ZDHHC15: variants seen among roughly 807,000 people sequenced by gnomAD.
ZDHHC15 encodes the protein zDHHC palmitoyltransferase 15.
Under a neutral mutation model 31.7 loss-of-function variants are expected in ZDHHC15, and 19 were observed. The observed-to-expected ratio is 0.60, with a 90% CI of 0.42 to 0.88. The LOEUF (loss-of-function observed/expected upper bound fraction) is 0.88. Among genes scored for constraint, ZDHHC15 ranks in the 40% least tolerant of loss-of-function variants. The probability of loss-of-function intolerance (pLI) is 0.00; values close to 1 mark genes in which losing one functional copy is unlikely to be tolerated. For synonymous variants in ZDHHC15, 103 were observed against 90.0 expected, an observed-to-expected ratio of 1.14 and a Z score of -0.82; for missense variants, 209 against 251.2, an observed-to-expected ratio of 0.83 and a Z score of 1.14.
At chrX:75,427,661 A>T (rs1292456769) in intron 7 of ZDHHC15, among the ~76,000 whole-genome samples, 3 of 111,018 alleles carry the variant, frequency 2.7e-5, no homozygotes, top group African/African-American at 9.9e-5. Flanking sequence ...TGGATTTTAT[A>T]ATATATTTTA....
intron 3 of ZDHHC15, among the ~76,000 whole-genome samples, chrX:75,475,243 G>C (rs1226472621): frequency 1.8e-5 from 2 of 111,248 alleles, no homozygotes; most frequent in Non-Finnish European, 3.8e-5. Context: ...TTATGATGTA[G>C]TCCAATTTAT....
intron 1 of ZDHHC15, among the ~76,000 whole-genome samples, chrX:75,518,775 A>ATG (rs2085399488): frequency 4.9e-5 from 1 of 20,222 alleles, no homozygotes; most frequent in African/African-American, 1.4e-4. Flanking sequence ...ACTGGTATAT[A>ATG]TATATATATA....
At chrX:75,389,369 C>T in intron 10 of ZDHHC15, among the ~76,000 whole-genome samples, 1 of 110,203 alleles carries the variant, frequency 9.1e-6, no homozygotes, top group East Asian at 2.9e-4. Context: ...TAGTGAGATA[C>T]CAGCCAGGGT....
chrX:75,472,064 G>A lies in ZDHHC15; in HGVS notation c.258+6827C>T, dbSNP rs897718408. ...AAGTTGGTTGTGCACATCAGTATTC[G>A]ATCATCAAATGAAGTGGTATATACG... On this transcript the variant is annotated intron_variant, in intron 3 of 11. Coordinates refer to ENST00000373367, the MANE Select transcript of ZDHHC15 (RefSeq NM_144969.3). Among the ~76,000 whole-genome samples, 7 of 111,625 alleles carry A rather than the reference G, an allele frequency of 6.3e-5. No homozygotes were observed. The East Asian group carries it at 2.0e-3, about 31-fold the overall frequency.
chrX:75,421,405 A>AT (rs1281270963), intron 9 of ZDHHC15, among the ~76,000 whole-genome samples: 8 of 11,911 alleles, frequency 6.7e-4, no homozygotes, highest in Admixed American at 5.1e-3. Flanking sequence ...TATATTATAT[A>AT]TATATAATAT....
In ZDHHC15 at chrX:75,487,675, A is replaced by T. The variant is rs1173101761; in HGVS notation, c.164-8690T>A. On this transcript the variant is annotated intron_variant, in intron 2 of 11. Coordinates refer to ENST00000373367, the MANE Select transcript of ZDHHC15 (RefSeq NM_144969.3). Reference sequence around the variant, plus strand: ...AGCTCTCCAGCAATTGATCCAAACTAAGAAGAACTCTCTGAATTGCAGATA... The same window carrying T: ...AGCTCTCCAGCAATTGATCCAAACTTAGAAGAACTCTCTGAATTGCAGATA... 9.8e-5 allele frequency among the ~76,000 whole-genome samples: 11 copies of T among 112,241 alleles called. No individual in the cohort carries two copies. In the Admixed American group the frequency reaches 1.0e-3, roughly 11 times the overall value.
chrX:75,385,950 G>T (rs1308139457), intron 10 of ZDHHC15, among the ~76,000 whole-genome samples: 7 of 111,845 alleles, frequency 6.3e-5, no homozygotes, highest in Admixed American at 9.5e-5. Flanking sequence ...ATACCCTTGA[G>T]CTGAGACAAT....
chrX:75,463,379 G>T (rs2084350633), intron 3 of ZDHHC15, among the ~76,000 whole-genome samples: 1 of 110,804 alleles, frequency 9.0e-6, no homozygotes, highest in South Asian at 3.8e-4. Flanking sequence ...AATTGAAAAG[G>T]AGAGACTCTT....
intron 4 of ZDHHC15, among the ~76,000 whole-genome samples, chrX:75,448,287 C>A (rs146120533): frequency 4.5e-5 from 5 of 112,011 alleles, no homozygotes; most frequent in African/African-American, 6.5e-5. Context: ...AGGTAAAAAA[C>A]CAGTACCAGC....
chrX:75,385,034 C>G (rs903462244), intron 10 of ZDHHC15, among the ~76,000 whole-genome samples: 5 of 111,796 alleles, frequency 4.5e-5, no homozygotes, highest in African/African-American at 1.3e-4. Context: ...TGTCTAAGTC[C>G]TGTGGCAGTT....
At chrX:75,464,108 T>A (rs933312225) in intron 3 of ZDHHC15, among the ~76,000 whole-genome samples, 2 of 111,757 alleles carry the variant, frequency 1.8e-5, no homozygotes, top group Non-Finnish European at 3.8e-5. Context: ...TGCAGCCATA[T>A]AAAAGGATGA....
Position 75,510,476 on chromosome X carries a change from G to GTTT in ZDHHC15, c.137-4632_137-4630dup, listed in dbSNP as rs373085476. ...TTGGTTTCTAGAAAATGTTTCTTCTGTTTTTTTTTTTTTTTCTGTCTGATC... is the reference window on the plus strand; with the variant it reads ...TTGGTTTCTAGAAAATGTTTCTTCTGTTTTTTTTTTTTTTTTTTCTGTCTGATC... On this transcript the variant is annotated intron_variant, in intron 1 of 11. Coordinates refer to ENST00000373367, the MANE Select transcript of ZDHHC15 (RefSeq NM_144969.3). 8.4e-3 allele frequency among the ~76,000 whole-genome samples: 443 copies of GTTT among 52,962 alleles called. 8 individuals are homozygous for GTTT. The highest frequency in any genetic ancestry group is 0.033 in the African/African-American group (413 of 12,694). The allele number at this position is 52,962 out of a possible 115,157, so 46.0% of individuals were successfully genotyped here.
chrX:75,400,272 T>C (rs190960401), intron 10 of ZDHHC15, among the ~76,000 whole-genome samples: 3 of 111,521 alleles, frequency 2.7e-5, no homozygotes, highest in East Asian at 5.7e-4. Context: ...ATAGCCAGTA[T>C]AAAAAAGAAC....
At chrX:75,403,345 C>T (rs2083377274) in intron 10 of ZDHHC15, among the ~76,000 whole-genome samples, 1 of 111,825 alleles carries the variant, frequency 8.9e-6, no homozygotes, top group Admixed American at 9.5e-5. Context: ...TCTCTCATCC[C>T]TTCTATTCAA....
At chrX:75,389,520 C>A (rs1406296175) in intron 10 of ZDHHC15, among the ~76,000 whole-genome samples, 1 of 109,352 alleles carries the variant, frequency 9.1e-6, no homozygotes, top group East Asian at 2.9e-4. Context: ...ACCAACTTAG[C>A]CACAGTAGGA....
At chrX:75,419,298 C>T (rs1425251051) in intron 9 of ZDHHC15, among the ~76,000 whole-genome samples, 2 of 111,696 alleles carry the variant, frequency 1.8e-5, no homozygotes, top group Non-Finnish European at 3.8e-5. Context: ...AGGATATGAA[C>T]AGACACTTCT....
intron 4 of ZDHHC15, among the ~76,000 whole-genome samples, chrX:75,444,686 A>G (rs1331685876): frequency 1.2e-5 from 1 of 84,806 alleles, no homozygotes; most frequent in African/African-American, 5.1e-5. Context: ...ATATATATAT[A>G]TACACACACA....
intron 3 of ZDHHC15, among the ~76,000 whole-genome samples, chrX:75,477,830 T>C (rs1344294208): frequency 8.9e-6 from 1 of 112,293 alleles, no homozygotes; most frequent in East Asian, 2.8e-4. Flanking sequence ...AACCTTTTAA[T>C]TGAATAGTTT....
intron 2 of ZDHHC15, among the ~76,000 whole-genome samples, chrX:75,504,721 T>C (rs1299019916): frequency 9.0e-6 from 1 of 111,483 alleles, no homozygotes; most frequent in Non-Finnish European, 1.9e-5. Context: ...GAAAATTTAT[T>C]GTGGAAAATA....
Sources: allele counts gnomAD v4.1 joint callset (sites outside exome capture counted in the v4.1 genomes callset), GRCh38; gene constraint gnomAD v4.1.1; transcripts MANE v1.5; gene names NCBI Gene and HGNC (gene_info 2026-07-23, HGNC 2026-07-21).